Variants in MAU2 observed in about 807,000 individuals in gnomAD.
MAU2 encodes the protein MAU2 chromatid cohesion factor homolog.
MAU2 carries 9 observed loss-of-function variants against 89.1 expected under a neutral mutation model. The ratio of observed to expected loss-of-function variants is 0.10; its 90% CI spans 0.06 to 0.18. MAU2 has a LOEUF of 0.18. Ranked by LOEUF, MAU2 falls within the 10% of genes least tolerant of loss-of-function variation. MAU2 has a pLI of 1.00. For synonymous variants in MAU2, 357 were observed against 343.4 expected, an observed-to-expected ratio of 1.04 and a Z score of -0.44; for missense variants, 425 against 803.5, an observed-to-expected ratio of 0.53 and a Z score of 5.69.
Position 19,349,161 on chromosome 19 carries a change from C to T in MAU2, c.1365C>T (p.His455=). 1.2e-6 allele frequency: 2 copies of T among 1,614,118 alleles called. No homozygotes were observed. Among genetic ancestry groups the T allele is most frequent in the African/African-American group, 1.3e-5 (1 of 75,068 alleles). ...NPDHSFPVSS[H]CLRAAAFYVR... is the part of the protein sequence containing the mutation. ...TACTGCACTCTCCCTGCAGCTCGCA[C>T]TGCCTCCGAGCAGCCGCCTTCTATG... The change falls in exon 15 of 19, where the codon CAC becomes CAT. Residue 455 remains histidine (H), a synonymous_variant. Transcript: ENST00000262815.
rs781397078 is a variant in MAU2 at position 19,345,396 on chromosome 19, CGGGGCG to C, written c.1221+30_1221+35del. 1.8e-5 allele frequency: 29 copies of C among 1,610,462 alleles called. 1 individual carries two copies. In the East Asian group the frequency reaches 6.2e-4, roughly 35 times the overall value. On this transcript the variant is annotated intron_variant, in intron 12 of 18. Coordinates refer to ENST00000262815, the MANE Select transcript of MAU2 (RefSeq NM_015329.4). This position sits in a 1 kb window ranked among gnomAD's most constrained non-coding sequence, Gnocchi z 4.9. ...TAAGGTGCCGGCCCTCCTTGCTGCT[CGGGGCG>C]GGCCACACTTCTGAGTAAGGAGTCG...
At chr19:19,334,838 C>A (rs1309003935) in intron 1 of MAU2, among the ~76,000 whole-genome samples, 1 of 152,244 alleles carries the variant, frequency 6.6e-6, no homozygotes, top group Non-Finnish European at 1.5e-5. Context: ...ACACATGCTG[C>A]CCTGCCCCAT....
intron 1 of MAU2, among the ~76,000 whole-genome samples, chr19:19,322,362 G>A (rs117352725): frequency 2.7e-3 from 411 of 152,248 alleles, no homozygotes; most frequent in Non-Finnish European, 4.4e-3. Context: ...ATTTTGGGAG[G>A]CGGAGGCAGA....
intron 16 of MAU2, chr19:19,352,655 C>G (rs2061754871): frequency 1.3e-5 from 2 of 152,288 alleles, no homozygotes; most frequent in Non-Finnish European, 2.9e-5. Flanking sequence ...GGAACCCAGA[C>G]CTCACTGGCT....
At chr19:19,352,947 T>A (rs1444456930) in intron 16 of MAU2, 1 of 152,316 alleles carries the variant, frequency 6.6e-6, no homozygotes, top group African/African-American at 2.4e-5. Flanking sequence ...GCTGGGGACA[T>A]CCAGAAAGGT....
chr19:19,351,883 C>T (rs2061748452), intron 16 of MAU2, among the ~76,000 whole-genome samples: 1 of 106,930 alleles, frequency 9.4e-6, no homozygotes. Flanking sequence ...AAGTCTTGCT[C>T]TCTTGCCCAG....
At chr19:19,343,247 C>T (rs1261901519) in intron 9 of MAU2, among the ~76,000 whole-genome samples, 1 of 152,208 alleles carries the variant, frequency 6.6e-6, no homozygotes, top group Non-Finnish European at 1.5e-5. Context: ...TCCAGATGCT[C>T]AAGTGTCTAA....
chr19:19,329,032 T>C (rs1370981430), intron 1 of MAU2: 1 of 456,076 alleles, frequency 2.2e-6, no homozygotes, highest in Admixed American at 2.3e-5. Context: ...GCTGGTCAGA[T>C]ACTTAATTCT....
In MAU2 at chr19:19,355,939, A is replaced by T. The variant is rs570634822; in HGVS notation, c.*157A>T. 2.6e-6 allele frequency: 2 copies of T among 769,238 alleles called. No homozygotes were observed. Among genetic ancestry groups the T allele is most frequent in the Non-Finnish European group, 4.5e-6 (2 of 446,200 alleles). The allele number at this position is 769,238 out of a possible 1,614,324, so 47.7% of individuals were successfully genotyped here. A position where few individuals can be genotyped will look rare whatever the true frequency, so the allele number is the denominator to read the frequency against. ...CGGGGCCAGTCCCTGCCCTCCCAGG[A>T]GGGGTGGTAGCCGTTCCCACCTCGC... is the stretch of plus-strand genomic sequence containing the variant. On this transcript the variant is annotated 3_prime_UTR_variant, in exon 19 of 19. Coordinates refer to ENST00000262815, the MANE Select transcript of MAU2 (RefSeq NM_015329.4).
chr19:19,325,106 A>G (rs894249982), intron 1 of MAU2, among the ~76,000 whole-genome samples: 1 of 152,170 alleles, frequency 6.6e-6, no homozygotes, highest in African/African-American at 2.4e-5. Context: ...AGTATTTTGC[A>G]ATAGTTTGTG....
chr19:19,345,183 T>G lies in MAU2; in HGVS notation c.1156-121T>G. The G allele has an allele frequency of 1.1e-6, 1 of 895,466 alleles. No homozygotes were observed. The highest frequency in any genetic ancestry group is 1.6e-5 in the African/African-American group (1 of 61,104). The allele number at this position is 895,466 out of a possible 1,614,324, so 55.5% of individuals were successfully genotyped here. ...GCATATTACCTGCCTTGCAGCTGGC[T>G]CGGTAGAGCCATTGTCATACTCCTC... is the stretch of plus-strand genomic sequence containing the variant. On this transcript the variant is annotated intron_variant, in intron 11 of 18. Coordinates refer to ENST00000262815, the MANE Select transcript of MAU2 (RefSeq NM_015329.4). The surrounding 1 kb of genome is among the most constrained non-coding windows in gnomAD (Gnocchi z 4.9).
chr19:19,331,906 A>T (rs1218325281), intron 1 of MAU2, among the ~76,000 whole-genome samples: 1 of 152,196 alleles, frequency 6.6e-6, no homozygotes, highest in Non-Finnish European at 1.5e-5. Flanking sequence ...GGTGTCACTG[A>T]TGTCCCAGTG....
chr19:19,355,667 G>A (rs2048169100), intron 18 of MAU2, 41 bp from the exon 19 acceptor site: 5 of 1,533,700 alleles, frequency 3.3e-6, no homozygotes, highest in Non-Finnish European at 2.7e-6. Flanking sequence ...CCCTGGGAAC[G>A]GTCCACAGTG....
rs1416385971 is a variant in MAU2 at position 19,345,562 on chromosome 19, T to C, written c.1221+193T>C. Among the ~76,000 whole-genome samples the C allele has an allele frequency of 1.3e-5, 2 of 152,182 alleles. No individual in the cohort carries two copies. The highest frequency in any genetic ancestry group is 2.9e-5 in the Non-Finnish European group (2 of 68,024). ...TGTTTATCTGGATAAGGGACAGCTA[T>C]GGGGCCAGGGGCTTCCTGAGCTGAC... On this transcript the variant is annotated intron_variant, in intron 12 of 18. Coordinates refer to ENST00000262815, the MANE Select transcript of MAU2 (RefSeq NM_015329.4). This position sits in a 1 kb window ranked among gnomAD's most constrained non-coding sequence, Gnocchi z 4.9.
intron 1 of MAU2, among the ~76,000 whole-genome samples, chr19:19,332,557 C>T (rs901217071): frequency 6.6e-6 from 1 of 151,146 alleles, no homozygotes; most frequent in Non-Finnish European, 1.5e-5. Context: ...AATCCTCTGG[C>T]TCCCAGTCAG....
intron 13 of MAU2, chr19:19,348,510 C>T (rs1183287164): frequency 3.2e-5 from 13 of 409,106 alleles, no homozygotes; most frequent in East Asian, 2.8e-4. Context: ...CAGAGCCTCC[C>T]GGGGTCCCTG....
intron 1 of MAU2, among the ~76,000 whole-genome samples, chr19:19,330,321 A>G (rs2061545650): frequency 1.3e-5 from 2 of 150,832 alleles, no homozygotes; most frequent in South Asian, 4.4e-4. Context: ...CAGGCCAGGC[A>G]TGGTGGCTCA....
intron 17 of MAU2, chr19:19,354,663 T>C (rs1375382706): frequency 6.9e-6 from 4 of 576,474 alleles, no homozygotes; most frequent in South Asian, 2.0e-5. Context: ...GTTCAGTCTC[T>C]ATAGGACACA....
At chr19:19,340,164 CAAAAAAAAA>C (rs1253222446) in intron 5 of MAU2, among the ~76,000 whole-genome samples, 2 of 84,012 alleles carry the variant, frequency 2.4e-5, no homozygotes, top group South Asian at 7.6e-4. Flanking sequence ...GACTCCATCT[CAAAAAAAAA>C]AAAAAAAAAA....
Sources: allele counts gnomAD v4.1 joint callset (sites outside exome capture counted in the v4.1 genomes callset), GRCh38; gene constraint gnomAD v4.1.1; non-coding constraint Gnocchi (gnomAD v3.1); transcripts MANE v1.5; gene names NCBI Gene and HGNC (gene_info 2026-07-23, HGNC 2026-07-21).